Variants in KRT20 observed in about 807,000 individuals in gnomAD.
KRT20 encodes keratin 20.
In KRT20, 41 loss-of-function variants were observed where a neutral mutation model predicts 43.0. The ratio of observed to expected loss-of-function variants is 0.95; its 90% CI spans 0.74 to 1.24. The LOEUF (loss-of-function observed/expected upper bound fraction) is 1.24. Among genes scored for constraint, KRT20 ranks in the 50% most tolerant of loss-of-function variants. The pLI, the probability that KRT20 is intolerant of heterozygous loss-of-function variation, is 0.00. For synonymous variants in KRT20, 207 were observed against 200.6 expected, an observed-to-expected ratio of 1.03 and a Z score of -0.27; for missense variants, 533 against 521.2, an observed-to-expected ratio of 1.02 and a Z score of -0.22.
intron 6 of KRT20, 61 bp downstream of exon 6, chr17:40,878,084 G>A: frequency 7.5e-7 from 1 of 1,335,840 alleles, no homozygotes; most frequent in Non-Finnish European, 1.1e-6. Context: ...GAGTGACAGG[G>A]ACATTAAAAT....
At chr17:40,877,347 G>A (rs753818513) in intron 7 of KRT20, 33 bp downstream of exon 7, 1 of 1,480,940 alleles carries the variant, frequency 6.8e-7, no homozygotes, top group Non-Finnish European at 9.1e-7. Context: ...GCAGCTGAAT[G>A]TCATAGAAAA....
intron 7 of KRT20, 88 bp from the exon 8 acceptor site, chr17:40,876,546 C>A: frequency 1.3e-6 from 1 of 757,066 alleles, no homozygotes. Context: ...ATTCTTTTTA[C>A]TTATTTCCTT....
In KRT20 at chr17:40,885,014, C is replaced by A; in HGVS notation, c.172G>T (p.Asp58Tyr). Residue 58 changes from aspartate (D) to tyrosine (Y), a missense_variant, in exon 1 of 8, where the codon GAT becomes TAT. Physicochemically the swap from Asp to Tyr is radical, Grantham distance 160. Coordinates refer to ENST00000167588, the MANE Select transcript of KRT20 (RefSeq NM_019010.3). ...AACAGGTCCCCGCCGCCTGTGAGAT[C>A]GCTCCCATAGTTCACCGTGTGTCTG... is the stretch of plus-strand genomic sequence containing the variant. ...NSRHTVNYGS[D>Y]LTGGGDLFVG... 1 of 1,614,180 alleles carries A rather than the reference C, an allele frequency of 6.2e-7. No homozygotes were observed. Among genetic ancestry groups the A allele is most frequent in the Non-Finnish European group, 8.5e-7 (1 of 1,180,034 alleles).
At position 40,880,265 on chromosome 17, in the gene KRT20, T is replaced by C. The variant is rs1907538406; in HGVS notation, c.631-4A>G. 1 of 1,588,588 alleles carries C rather than the reference T, an allele frequency of 6.3e-7. No homozygotes were observed. Among genetic ancestry groups the C allele is most frequent in the Admixed American group, 1.8e-5 (1 of 55,594 alleles). On this transcript the variant is annotated splice_region_variant and splice_polypyrimidine_tract_variant and intron_variant, in intron 3 of 7. Transcript: ENST00000167588. ...GCTTGTGTAGGCCATCGACTTCCTA[T>C]GAAAGTGAAATTTCTGATTGATTTT...
intron 2 of KRT20, among the ~76,000 whole-genome samples, chr17:40,882,252 T>A (rs1907631294): frequency 6.6e-6 from 1 of 152,178 alleles, no homozygotes. Flanking sequence ...GAATTGTAAA[T>A]TACTTTGTTA....
At chr17:40,876,715 T>C (rs928556874) in intron 7 of KRT20, among the ~76,000 whole-genome samples, 1 of 152,190 alleles carries the variant, frequency 6.6e-6, no homozygotes, top group Non-Finnish European at 1.5e-5. Context: ...AATTCAAATT[T>C]TGTCTTGTTT....
chr17:40,884,242 T>C (rs1214524955), intron 1 of KRT20, among the ~76,000 whole-genome samples: 3 of 152,168 alleles, frequency 2.0e-5, no homozygotes, highest in Non-Finnish European at 4.4e-5. Context: ...ATGCTGATGG[T>C]CATGTTATTA....
Position 40,880,266 on chromosome 17 carries a change from GA to G in KRT20, c.631-6del, listed in dbSNP as rs779302699. 6.3e-7 allele frequency: 1 copy of G among 1,588,260 alleles called. No homozygotes were observed. The highest frequency in any genetic ancestry group is 1.1e-5 in the South Asian group (1 of 88,712). Reference sequence around the variant, plus strand: ...CTTGTGTAGGCCATCGACTTCCTATGAAAGTGAAATTTCTGATTGATTTTAG... The same window carrying G: ...CTTGTGTAGGCCATCGACTTCCTATGAAGTGAAATTTCTGATTGATTTTAG... On this transcript the variant is annotated splice_region_variant and splice_polypyrimidine_tract_variant and intron_variant, in intron 3 of 7. Transcript: ENST00000167588.
intron 5 of KRT20, 65 bp downstream of exon 5, chr17:40,879,748 G>T: frequency 4.5e-6 from 7 of 1,571,316 alleles, no homozygotes; most frequent in South Asian, 2.3e-5. Context: ...CATTTCTATA[G>T]TTCCTAACAG....
rs1907343509 is a variant in KRT20, at chr17:40,876,306, A to G, written c.*55T>C. 8.6e-7 allele frequency: 1 copy of G among 1,167,088 alleles called. No homozygotes were observed. 72.3% of individuals were successfully genotyped at this position (1,167,088 alleles called of 1,614,324 possible). ...TGATTTCTTGCAGGGAGCAAAGATA[A>G]GATTATAGCCAAATTTCTTTCAAAA... On this transcript the variant is annotated 3_prime_UTR_variant, in exon 8 of 8. Coordinates refer to ENST00000167588, the MANE Select transcript of KRT20 (RefSeq NM_019010.3).
intron 7 of KRT20, among the ~76,000 whole-genome samples, chr17:40,877,027 G>T (rs1907378411): frequency 6.6e-6 from 1 of 152,192 alleles, no homozygotes; most frequent in African/African-American, 2.4e-5. Flanking sequence ...GATTAATGTG[G>T]TTACCATGAT....
rs1161659877 is a variant in KRT20 at position 40,880,655 on chromosome 17, G to C, written c.589C>G (p.Leu197Val). The change falls in exon 3 of 8, where the codon CTG (leucine) becomes GTG (valine). Residue 197 changes from leucine (L) to valine (V), a missense_variant. Transcript: ENST00000167588. ...TTGAGGAGAGCTAGGTCTTTATTCAGTTCTTCAATTTGAATCTCCAAATCT... is the reference window on the plus strand; with the variant it reads ...TTGAGGAGAGCTAGGTCTTTATTCACTTCTTCAATTTGAATCTCCAAATCT... ...KTDLEIQIEE[L>V]NKDLALLKKE... The C allele has an allele frequency of 1.2e-6, 2 of 1,612,886 alleles. No homozygotes were observed. The highest frequency in any genetic ancestry group is 1.7e-6 in the Non-Finnish European group (2 of 1,179,570).
At chr17:40,877,525 A>AAGCAATAACACATTCACT in intron 6 of KRT20, 108 bp from the exon 7 acceptor site, 1 of 623,030 alleles carries the variant, frequency 1.6e-6, no homozygotes, top group Non-Finnish European at 2.7e-6. Context: ...GTCCAAGTGA[A>AAGCAATAACACATTCACT]TGTGTTATTG....
intron 6 of KRT20, 71 bp downstream of exon 6, chr17:40,878,074 G>T (rs1907423328): frequency 1.6e-6 from 2 of 1,253,802 alleles, no homozygotes; most frequent in Non-Finnish European, 1.2e-6. Flanking sequence ...GCTGGGTAAT[G>T]AGTGACAGGG....
intron 1 of KRT20, among the ~76,000 whole-genome samples, chr17:40,884,196 A>T (rs528639200): frequency 6.6e-6 from 1 of 152,264 alleles, no homozygotes; most frequent in Admixed American, 6.5e-5. Context: ...GCAATAGAAC[A>T]TTTTATTACT....
chr17:40,880,232 G>A lies in KRT20; in HGVS notation c.660C>T (p.Gly220=). The A allele has an allele frequency of 1.3e-5, 21 of 1,609,926 alleles. No individual in the cohort carries two copies. The highest frequency in any genetic ancestry group is 1.8e-5 in the Non-Finnish European group (21 of 1,178,276). ...EEVDGLHKHL[G]NTVNVEVDAA... ...CATCAACCTCCACATTGACAGTGTT[G>A]CCCAGATGCTTGTGTAGGCCATCGA... Residue 220 remains glycine (G), a synonymous_variant, in exon 4 of 8, where the codon GGC becomes GGT. Transcript: ENST00000167588.
chr17:40,878,437 C>G (rs528173507), intron 5 of KRT20, 72 bp from the exon 6 acceptor site: 13 of 1,139,534 alleles, frequency 1.1e-5, no homozygotes, highest in Non-Finnish European at 1.7e-5. Flanking sequence ...ATTTTAATTT[C>G]CTTTGAGAAG....
chr17:40,876,017 A>G lies in KRT20; in HGVS notation c.*344T>C. 1 of 181,954 alleles carries G rather than the reference A, an allele frequency of 5.5e-6. No homozygotes were observed. The highest frequency in any genetic ancestry group is 1.4e-4 in the East Asian group (1 of 7,358). The allele number at this position is 181,954 out of a possible 1,614,324, so 11.3% of individuals were successfully genotyped here. A position where few individuals can be genotyped will look rare whatever the true frequency, so the allele number is the denominator to read the frequency against. On this transcript the variant is annotated 3_prime_UTR_variant, in exon 8 of 8. Coordinates refer to ENST00000167588, the MANE Select transcript of KRT20 (RefSeq NM_019010.3). Reference sequence around the variant, plus strand: ...TCCTCTACTTTGTGAGGTTTAGTATAATTGAAATGTATTGCAATTTTCAGG... The same window carrying G: ...TCCTCTACTTTGTGAGGTTTAGTATGATTGAAATGTATTGCAATTTTCAGG...
In KRT20 at chr17:40,879,802, A is replaced by C. The variant is rs1178726051; in HGVS notation, c.918+11T>G. 6.2e-7 allele frequency: 1 copy of C among 1,612,564 alleles called. No individual in the cohort carries two copies. On this transcript the variant is annotated intron_variant, in intron 5 of 7. Coordinates refer to ENST00000167588, the MANE Select transcript of KRT20 (RefSeq NM_019010.3). ...TACTAGATTGAGAAAGAGAAGTTAG[A>C]TATGCTTTACCATGCTGAGATGGGA... is the stretch of plus-strand genomic sequence containing the variant.
Sources: allele counts gnomAD v4.1 joint callset (sites outside exome capture counted in the v4.1 genomes callset), GRCh38; gene constraint gnomAD v4.1.1; transcripts MANE v1.5; gene names NCBI Gene and HGNC (gene_info 2026-07-23, HGNC 2026-07-21).